The following FLNB variants were observed in gnomAD, a reference collection of about 807,000 sequenced individuals.
FLNB encodes the protein filamin-B.
In FLNB, 111 loss-of-function variants were observed where a neutral mutation model predicts 250.6. That is an observed-to-expected ratio of 0.44 (90% CI 0.38 to 0.52). The LOEUF (loss-of-function observed/expected upper bound fraction) is 0.52, where lower values mean the gene tolerates loss of function less well. FLNB is among the 20% of genes least tolerant of loss of function. FLNB has a pLI of 0.00. For missense variants in FLNB, 2,869 were observed against 3,447.8 expected, an observed-to-expected ratio of 0.83 and a Z score of 4.20; for synonymous variants, 1,302 against 1,372.1, an observed-to-expected ratio of 0.95 and a Z score of 1.13.
chr3:58,101,492 G>A (rs144466553), intron 8 of FLNB, among the ~76,000 whole-genome samples: 1,743 of 152,242 alleles, frequency 0.011, 36 homozygotes, highest in East Asian at 0.054. Flanking sequence ...AAGGCATATT[G>A]GAAGCTATCT....
intron 4 of FLNB, 120 bp from the exon 5 acceptor site, chr3:58,094,716 C>T: frequency 1.2e-6 from 1 of 857,518 alleles, no homozygotes; most frequent in South Asian, 1.3e-5. Context: ...GTCCCCATTT[C>T]CCACATGGGA....
intron 22 of FLNB, 130 bp from the exon 23 acceptor site, chr3:58,125,451 C>A: frequency 9.0e-7 from 1 of 1,112,746 alleles, no homozygotes; most frequent in Non-Finnish European, 1.3e-6. Flanking sequence ...GTGTTTTTAA[C>A]CCCCTTTTCC....
chr3:58,037,719 A>G (rs1184280771), intron 1 of FLNB, among the ~76,000 whole-genome samples: 1 of 152,184 alleles, frequency 6.6e-6, no homozygotes, highest in African/African-American at 2.4e-5. Flanking sequence ...TGGCTTTTTT[A>G]GATCACTGGC....
Position 58,169,797 on chromosome 3 carries a change from G to A in FLNB, c.7621+4G>A, listed in dbSNP as rs765503028. 2.5e-6 allele frequency: 4 copies of A among 1,594,090 alleles called. No individual in the cohort carries two copies. The highest frequency in any genetic ancestry group is 1.1e-5 in the South Asian group (1 of 90,762). Reference sequence around the variant, plus strand: ...CTGGTGGACTGCAGCAAAGCTGGTAGGTGTCTGGGCCTTTTCAAGGGTGGG... The same window carrying A: ...CTGGTGGACTGCAGCAAAGCTGGTAAGTGTCTGGGCCTTTTCAAGGGTGGG... On this transcript the variant is annotated splice_donor_region_variant and intron_variant, in intron 45 of 45. Transcript: ENST00000295956. The surrounding 1 kb of genome is among the most constrained non-coding windows in gnomAD (Gnocchi z 4.8).
chr3:58,072,515 T>C (rs1559673657), intron 1 of FLNB, among the ~76,000 whole-genome samples: 1 of 152,250 alleles, frequency 6.6e-6, no homozygotes, highest in African/African-American at 2.4e-5. Flanking sequence ...TCAGACGTTG[T>C]TGACCCTGTG....
At position 58,163,350 on chromosome 3, in the gene FLNB, C is replaced by T. The variant is rs201580886; in HGVS notation, c.7198+20C>T. The T allele has an allele frequency of 5.7e-5, 92 of 1,613,190 alleles. No individual in the cohort carries two copies. The highest frequency in any genetic ancestry group is 7.6e-5 in the Non-Finnish European group (90 of 1,179,466). On this transcript the variant is annotated intron_variant, in intron 43 of 45. Coordinates refer to ENST00000295956, the MANE Select transcript of FLNB (RefSeq NM_001457.4). ...CCACAGGTAACCCACTCTTCTGCTTCTTGAAGCCTTAACTGAACCAGCTCC... is the reference window on the plus strand; with the variant it reads ...CCACAGGTAACCCACTCTTCTGCTTTTTGAAGCCTTAACTGAACCAGCTCC...
Position 58,119,467 on chromosome 3 carries a change from C to T in FLNB, c.2863+478C>T, listed in dbSNP as rs185289846. ...CCCTGGCACTCAGAAGTCACTACCA[C>T]CACACCTCTGCCCCATCCCAATGTT... On this transcript the variant is annotated intron_variant, in intron 19 of 45. Coordinates refer to ENST00000295956, the MANE Select transcript of FLNB (RefSeq NM_001457.4). Among the ~76,000 whole-genome samples, 9 of 152,316 alleles carry T rather than the reference C, an allele frequency of 5.9e-5. No homozygotes were observed. The East Asian group carries it at 1.3e-3, about 23-fold the overall frequency.
At chr3:58,119,243 C>G (rs1206625610) in intron 19 of FLNB, among the ~76,000 whole-genome samples, 1 of 151,680 alleles carries the variant, frequency 6.6e-6, no homozygotes, top group Non-Finnish European at 1.5e-5. Context: ...GTTGAGAACA[C>G]CCATGGGAAT....
At chr3:58,100,698 A>G (rs1477884477) in intron 8 of FLNB, among the ~76,000 whole-genome samples, 6 of 149,382 alleles carry the variant, frequency 4.0e-5, no homozygotes. Context: ...CCCTGGTTCA[A>G]GTGATTCTTG....
At chr3:58,137,389 C>CA (rs2097318034) in intron 28 of FLNB, among the ~76,000 whole-genome samples, 1 of 152,208 alleles carries the variant, frequency 6.6e-6, no homozygotes, top group South Asian at 2.1e-4. Context: ...TGGGGACTTC[C>CA]CCCTTGCCTT....
intron 1 of FLNB, among the ~76,000 whole-genome samples, chr3:58,018,229 G>A (rs537937621): frequency 2.0e-5 from 3 of 151,968 alleles, no homozygotes; most frequent in South Asian, 4.2e-4. Flanking sequence ...AACTTTTATC[G>A]GAAGAAGGTG....
chr3:58,120,601 C>G (rs2097287078), intron 19 of FLNB, among the ~76,000 whole-genome samples: 1 of 152,218 alleles, frequency 6.6e-6, no homozygotes, highest in Admixed American at 6.5e-5. Context: ...GTTCTCAGCA[C>G]TTGCTTCAAT....
rs2097255318 is a variant in FLNB at position 58,104,062 on chromosome 3, G to T, written c.1587G>T (p.Trp529Cys). ...TPGRYSIAIT[W>C]GGHHIPKSPF... ...GGAGATACAGCATTGCCATCACATG[G>T]GGGGGACACCACATTCCAAAGAGGT... is the stretch of plus-strand genomic sequence containing the variant. Residue 529 changes from tryptophan to cysteine, a missense_variant, in exon 10 of 46, where the codon TGG becomes TGT. Transcript: ENST00000295956. 6.2e-7 allele frequency: 1 copy of T among 1,613,936 alleles called. No homozygotes were observed.
chr3:58,073,956 C>T (rs1292153752), intron 1 of FLNB, among the ~76,000 whole-genome samples: 1 of 152,194 alleles, frequency 6.6e-6, no homozygotes, highest in Non-Finnish European at 1.5e-5. Flanking sequence ...TCACAGCCAG[C>T]AAGAGAATCT....
chr3:58,137,837 G>A (rs2097319189), intron 28 of FLNB, among the ~76,000 whole-genome samples: 1 of 152,168 alleles, frequency 6.6e-6, no homozygotes, highest in Admixed American at 6.5e-5. Flanking sequence ...CTGAGGAACA[G>A]TTTGTTATTT....
At chr3:58,138,576 G>GT (rs752735821) in intron 29 of FLNB, 47 bp downstream of exon 29, 5 of 1,610,552 alleles carry the variant, frequency 3.1e-6, no homozygotes, top group Non-Finnish European at 4.2e-6. Flanking sequence ...GGTGGAAACT[G>GT]TAACAGCTGC....
At chr3:58,100,385 T>TATATATATATATATATATA (rs71091344) in intron 8 of FLNB, among the ~76,000 whole-genome samples, 2 of 128,116 alleles carry the variant, frequency 1.6e-5, no homozygotes, top group Non-Finnish European at 3.2e-5. Context: ...TATATATATA[T>TATATATATATATATATATA]TTGCAGGGGC....
chr3:58,020,788 C>T (rs1437131528), intron 1 of FLNB, among the ~76,000 whole-genome samples: 2 of 150,780 alleles, frequency 1.3e-5, no homozygotes, highest in Admixed American at 6.6e-5. Flanking sequence ...TTCTGGCATT[C>T]GAACTATAGG....
In FLNB at chr3:58,103,995, T is replaced by C; in HGVS notation, c.1520T>C (p.Leu507Pro). Residue 507 changes from leucine to proline, a missense_variant, in exon 10 of 46, where the codon CTG (leucine) becomes CCG (proline). By Grantham distance (98) the Leu-to-Pro change is moderately conservative. Transcript: ENST00000295956. ...LEELVKQKDF[L>P]DGVYAFEYYP... is the part of the protein sequence containing the mutation. ...GAGCTGGTGAAGCAGAAAGACTTTC[T>C]GGATGGGGTCTACGCATTCGAGTAT... 6.2e-7 allele frequency: 1 copy of C among 1,614,110 alleles called. No individual in the cohort carries two copies. Among genetic ancestry groups the C allele is most frequent in the Non-Finnish European group, 8.5e-7 (1 of 1,180,004 alleles).
Sources: gnomAD v4.1 joint callset for allele counts (sites outside exome capture counted in the v4.1 genomes callset) on GRCh38, gnomAD v4.1.1 for gene constraint, Gnocchi (gnomAD v3.1) non-coding constraint, MANE v1.5 for transcripts, NCBI Gene and HGNC (gene_info 2026-07-23, HGNC 2026-07-21) for gene names.